CLSTN2: variants seen among roughly 807,000 people sequenced by gnomAD.
The protein encoded by CLSTN2 is calsyntenin-2.
In CLSTN2, 48 loss-of-function variants were observed where a neutral mutation model predicts 101.2. The observed-to-expected ratio is 0.47, with a 90% CI of 0.38 to 0.60. The LOEUF is 0.60. Among genes scored for constraint, CLSTN2 ranks in the 20% least tolerant of loss-of-function variants. The pLI, the probability that CLSTN2 is intolerant of heterozygous loss-of-function variation, is 0.00. For missense variants in CLSTN2, 1,160 were observed against 1,238.2 expected (o/e 0.94, Z 0.95); for synonymous variants, 481 against 463.6 (o/e 1.04, Z -0.48).
chr3:140,494,708 T>C (rs1346074917), intron 8 of CLSTN2, among the ~76,000 whole-genome samples: 1 of 152,216 alleles, frequency 6.6e-6, no homozygotes, highest in South Asian at 2.1e-4. Flanking sequence ...AGTGAGAACA[T>C]GCATGTTTTG....
At chr3:140,149,333 G>A (rs981258227) in intron 1 of CLSTN2, among the ~76,000 whole-genome samples, 9 of 152,206 alleles carry the variant, frequency 5.9e-5, no homozygotes, top group South Asian at 2.1e-4. Context: ...GGCTGGAACC[G>A]TTTGGTCCAA....
intron 1 of CLSTN2, among the ~76,000 whole-genome samples, chr3:140,083,160 G>T (rs1216131405): frequency 6.6e-6 from 1 of 152,048 alleles, no homozygotes; most frequent in Non-Finnish European, 1.5e-5. Context: ...CATTTATTAC[G>T]TTTTTTGCTG....
At chr3:140,064,046 G>A (rs1236440415) in intron 1 of CLSTN2, among the ~76,000 whole-genome samples, 2 of 152,124 alleles carry the variant, frequency 1.3e-5, no homozygotes, top group African/African-American at 2.4e-5. Flanking sequence ...GTAACCATTG[G>A]CTACCTTATA....
At chr3:140,162,329 G>T (rs546667527) in intron 1 of CLSTN2, among the ~76,000 whole-genome samples, 1 of 152,076 alleles carries the variant, frequency 6.6e-6, no homozygotes, top group Non-Finnish European at 1.5e-5. Flanking sequence ...TATAGAAAAG[G>T]TACAAAATGA....
chr3:140,446,215 G>A (rs964818796), intron 5 of CLSTN2, among the ~76,000 whole-genome samples: 2 of 152,132 alleles, frequency 1.3e-5, no homozygotes, highest in South Asian at 2.1e-4. Context: ...TAGAGCATGG[G>A]CTGCAGCAAC....
At chr3:140,066,290 C>T (rs2008297856) in intron 1 of CLSTN2, among the ~76,000 whole-genome samples, 1 of 152,240 alleles carries the variant, frequency 6.6e-6, no homozygotes, top group Non-Finnish European at 1.5e-5. Flanking sequence ...CAGCCTCCCA[C>T]TTCCTACCTC....
At chr3:140,547,528 T>A (rs1021914722) in intron 10 of CLSTN2, among the ~76,000 whole-genome samples, 1 of 152,158 alleles carries the variant, frequency 6.6e-6, no homozygotes, top group Non-Finnish European at 1.5e-5. Context: ...GAACAGTTCA[T>A]GATTTGTATT....
At chr3:140,388,350 A>G (rs1169313112) in intron 2 of CLSTN2, among the ~76,000 whole-genome samples, 1 of 152,248 alleles carries the variant, frequency 6.6e-6, no homozygotes, top group East Asian at 1.9e-4. Flanking sequence ...TTTGATGGAG[A>G]TACATAAATC....
intron 1 of CLSTN2, among the ~76,000 whole-genome samples, chr3:140,036,868 A>C (rs2007664376): frequency 6.6e-6 from 1 of 152,042 alleles, no homozygotes; most frequent in Admixed American, 6.6e-5. Flanking sequence ...ATTTACTCTA[A>C]CTCTTGTATA....
At chr3:140,116,517 G>T (rs970843060) in intron 1 of CLSTN2, among the ~76,000 whole-genome samples, 1 of 152,094 alleles carries the variant, frequency 6.6e-6, no homozygotes. Context: ...ACAGGGCCAG[G>T]ACTAGGGTGG....
intron 1 of CLSTN2, among the ~76,000 whole-genome samples, chr3:140,038,154 C>T (rs1480660947): frequency 1.3e-5 from 2 of 152,182 alleles, no homozygotes; most frequent in Non-Finnish European, 2.9e-5. Flanking sequence ...CTAATTTACA[C>T]TCCCACCAAC....
At chr3:140,185,088 T>G (rs777775481) in intron 2 of CLSTN2, among the ~76,000 whole-genome samples, 35 of 152,328 alleles carry the variant, frequency 2.3e-4, no homozygotes, top group Non-Finnish European at 4.9e-4. Flanking sequence ...TGTTCTCTGC[T>G]GCTCCCTGTT....
At chr3:139,981,241 C>T (rs1026473340) in intron 1 of CLSTN2, among the ~76,000 whole-genome samples, 3 of 152,130 alleles carry the variant, frequency 2.0e-5, no homozygotes, top group African/African-American at 7.2e-5. Context: ...CCCCGAATTG[C>T]CCTCTTTGTG....
intron 1 of CLSTN2, among the ~76,000 whole-genome samples, chr3:139,990,614 C>A (rs1380769034): frequency 6.6e-6 from 1 of 152,120 alleles, no homozygotes; most frequent in South Asian, 2.1e-4. Context: ...TAAGTAAATG[C>A]TTAATAAAGA....
intron 9 of CLSTN2, 91 bp from the exon 10 acceptor site, chr3:140,546,424 A>T: frequency 1.5e-6 from 2 of 1,336,124 alleles, no homozygotes; most frequent in South Asian, 1.4e-5. Context: ...CACACAATCA[A>T]GGCGTCTTTG....
At chr3:140,076,606 C>CT (rs2008493809) in intron 1 of CLSTN2, among the ~76,000 whole-genome samples, 1 of 144,232 alleles carries the variant, frequency 6.9e-6, no homozygotes, top group African/African-American at 2.6e-5. Flanking sequence ...TGGTCAATGA[C>CT]TCCCCTCTCA....
At chr3:140,460,810 C>A (rs1285035488) in intron 7 of CLSTN2, among the ~76,000 whole-genome samples, 1 of 152,154 alleles carries the variant, frequency 6.6e-6, no homozygotes, top group Non-Finnish European at 1.5e-5. Context: ...TGCTAAAACA[C>A]CCCAAATAAA....
intron 1 of CLSTN2, among the ~76,000 whole-genome samples, chr3:140,100,877 A>G (rs1034102625): frequency 1.3e-5 from 2 of 152,218 alleles, no homozygotes; most frequent in African/African-American, 4.8e-5. Flanking sequence ...TCACCCTTCC[A>G]TGCTCATGTT....
chr3:140,412,266 C>T (rs779149708), intron 4 of CLSTN2, among the ~76,000 whole-genome samples: 7 of 152,216 alleles, frequency 4.6e-5, no homozygotes, highest in Non-Finnish European at 8.8e-5. Context: ...CCGCCCACCT[C>T]AACCTCCCAA....
Sources: allele counts gnomAD v4.1 joint callset (sites outside exome capture counted in the v4.1 genomes callset), GRCh38; gene constraint gnomAD v4.1.1; transcripts MANE v1.5; gene names NCBI Gene and HGNC (gene_info 2026-07-23, HGNC 2026-07-21).